PPP1R1C: variants seen among roughly 807,000 people sequenced by gnomAD.
PPP1R1C encodes protein phosphatase 1 regulatory subunit 1C.
In PPP1R1C, 15 loss-of-function variants were observed where a neutral mutation model predicts 17.4. The observed-to-expected ratio is 0.86, with a 90% CI of 0.58 to 1.33. PPP1R1C has a LOEUF of 1.33. Among genes scored for constraint, PPP1R1C ranks in the 40% most tolerant of loss-of-function variants. PPP1R1C has a pLI of 0.00. For synonymous variants in PPP1R1C, 35 were observed against 43.1 expected (o/e 0.81, Z 0.73); for missense variants, 143 against 130.0 (o/e 1.10, Z -0.48).
At chr2:182,125,372 T>C (rs1689849777) in intron 5 of PPP1R1C, among the ~76,000 whole-genome samples, 1 of 152,166 alleles carries the variant, frequency 6.6e-6, no homozygotes, top group Non-Finnish European at 1.5e-5. Context: ...TTTTTTGTTG[T>C]GTCTCTGCCA....
At chr2:182,100,408 G>A (rs1295106358) in intron 4 of PPP1R1C, among the ~76,000 whole-genome samples, 1 of 151,954 alleles carries the variant, frequency 6.6e-6, no homozygotes, top group African/African-American at 2.4e-5. Flanking sequence ...TACTCGGGAG[G>A]CTGAGGCAGG....
intron 2 of PPP1R1C, among the ~76,000 whole-genome samples, chr2:182,024,416 G>C (rs1686528009): frequency 6.6e-6 from 1 of 151,666 alleles, no homozygotes; most frequent in Admixed American, 6.6e-5. Context: ...ACAGTCAATT[G>C]ATAACCACTA....
At chr2:182,110,932 GA>G (rs1312048748) in intron 4 of PPP1R1C, among the ~76,000 whole-genome samples, 2 of 152,034 alleles carry the variant, frequency 1.3e-5, no homozygotes, top group Admixed American at 6.6e-5. Flanking sequence ...ATGGGCACTA[GA>G]GGGGCACATG....
chr2:181,963,153 A>G lies in PPP1R1C; in HGVS notation n.111+8519A>G, dbSNP rs142603636. 5.6e-4 allele frequency among the ~76,000 whole-genome samples: 85 copies of G among 152,294 alleles called. 1 individual carries two copies. The East Asian group carries it at 9.1e-3, about 16-fold the overall frequency. ...AAATACAATACAAACATTATCTAACAATTCCGTTTGATAAAGATCATTATA... is the reference window on the plus strand; with the variant it reads ...AAATACAATACAAACATTATCTAACGATTCCGTTTGATAAAGATCATTATA... On this transcript the variant is annotated intron_variant and non_coding_transcript_variant, in intron 1 of 5. Transcript: ENST00000464264.
At chr2:182,002,930 T>G (rs36013128) in intron 2 of PPP1R1C, among the ~76,000 whole-genome samples, 8 of 74,674 alleles carry the variant, frequency 1.1e-4, no homozygotes, top group South Asian at 5.4e-4. Context: ...GCCATAAACC[T>G]CCCCCCCCCC....
At chr2:181,999,689 T>C (rs1370449814) in intron 2 of PPP1R1C, among the ~76,000 whole-genome samples, 3 of 152,126 alleles carry the variant, frequency 2.0e-5, no homozygotes, top group Admixed American at 6.6e-5. Flanking sequence ...GGTAATTCTA[T>C]ACTTTTTTCT....
chr2:182,048,288 A>T (rs189204630), intron 2 of PPP1R1C, among the ~76,000 whole-genome samples: 1 of 152,292 alleles, frequency 6.6e-6, no homozygotes, highest in Non-Finnish European at 1.5e-5. Flanking sequence ...TGAAACCACT[A>T]CCTAGTGGCT....
intron 1 of PPP1R1C, among the ~76,000 whole-genome samples, chr2:181,970,684 G>A (rs148547453): frequency 1.3e-5 from 2 of 152,156 alleles, no homozygotes; most frequent in Non-Finnish European, 2.9e-5. Context: ...GGCCATGGGT[G>A]GGTCCTGAGA....
intron 5 of PPP1R1C, among the ~76,000 whole-genome samples, chr2:182,128,267 G>T (rs969815671): frequency 2.4e-4 from 36 of 152,030 alleles, no homozygotes; most frequent in Admixed American, 1.9e-3. Context: ...TAAGTTTCTG[G>T]AAGGAAATAA....
At chr2:182,122,556 T>G (rs1311725183), downstream of PPP1R1C, among the ~76,000 whole-genome samples, 1 of 152,136 alleles carries the variant, frequency 6.6e-6, no homozygotes, top group African/African-American at 2.4e-5. Flanking sequence ...AGTTTTTTGT[T>G]TTTTTGAGGA....
intron 4 of PPP1R1C, 52 bp downstream of exon 4, chr2:182,063,843 T>C (rs1448673149): frequency 7.2e-7 from 1 of 1,394,086 alleles, no homozygotes; most frequent in East Asian, 2.3e-5. Flanking sequence ...TCATGGCTGG[T>C]CGGCCGTCTG....
intron 2 of PPP1R1C, among the ~76,000 whole-genome samples, chr2:182,030,394 G>T (rs1686781526): frequency 6.6e-6 from 1 of 151,742 alleles, no homozygotes; most frequent in East Asian, 1.9e-4. Context: ...GGTTTTTGGT[G>T]TGGATGTCCT....
At chr2:182,075,587 C>A (rs1574430727) in intron 4 of PPP1R1C, among the ~76,000 whole-genome samples, 1 of 152,332 alleles carries the variant, frequency 6.6e-6, no homozygotes, top group South Asian at 2.1e-4. Flanking sequence ...AAAATTTACA[C>A]ACCATCACTG....
intron 1 of PPP1R1C, among the ~76,000 whole-genome samples, chr2:181,963,017 G>A (rs181628402): frequency 3.3e-5 from 5 of 152,258 alleles, no homozygotes; most frequent in Non-Finnish European, 5.9e-5. Context: ...AAAGTTATTT[G>A]TAAACCCTGG....
chr2:182,023,602 G>C, intron 2 of PPP1R1C, among the ~76,000 whole-genome samples: 1 of 151,994 alleles, frequency 6.6e-6, no homozygotes, highest in East Asian at 1.9e-4. Context: ...GTGTGCTTAA[G>C]ATAAAATATT....
intron 4 of PPP1R1C, among the ~76,000 whole-genome samples, chr2:182,102,977 A>T (rs76099021): frequency 0.015 from 2,271 of 151,590 alleles, 34 homozygotes; most frequent in South Asian, 0.058. Context: ...TGGCTGATTT[A>T]TTTTTTTATA....
upstream of PPP1R1C, among the ~76,000 whole-genome samples, chr2:181,982,478 G>T (rs1180215518): frequency 6.6e-6 from 1 of 152,214 alleles, no homozygotes; most frequent in African/African-American, 2.4e-5. Flanking sequence ...AAGATAGGAT[G>T]GGATTTGCAG....
intron 2 of PPP1R1C, among the ~76,000 whole-genome samples, chr2:182,052,737 T>C (rs938173187): frequency 4.6e-5 from 7 of 152,210 alleles, no homozygotes; most frequent in African/African-American, 1.7e-4. Context: ...GGATTAGTAT[T>C]TGTGTTTTAA....
intron 4 of PPP1R1C, among the ~76,000 whole-genome samples, chr2:182,093,070 C>T (rs1443758098): frequency 1.3e-5 from 2 of 152,306 alleles, no homozygotes; most frequent in East Asian, 3.9e-4. Flanking sequence ...CCATGAGGGC[C>T]CTAACCCCTG....
Sources: gnomAD v4.1 joint callset for allele counts (sites outside exome capture counted in the v4.1 genomes callset) on GRCh38, gnomAD v4.1.1 for gene constraint, MANE v1.5 for transcripts, NCBI Gene and HGNC (gene_info 2026-07-23, HGNC 2026-07-21) for gene names.